Variants in HDAC8 observed in about 807,000 individuals in gnomAD.
HDAC8 encodes histone deacetylase 8, also known as histone deacetylase-like 1.
In HDAC8, 1 loss-of-function variant was observed where a neutral mutation model predicts 32.2. The ratio of observed to expected loss-of-function variants is 0.03; its 90% CI spans 0.01 to 0.15. The LOEUF (loss-of-function observed/expected upper bound fraction) is 0.15. HDAC8 is among the 10% of genes least tolerant of loss of function. The probability of loss-of-function intolerance (pLI) is 1.00; values close to 1 mark genes in which losing one functional copy is unlikely to be tolerated. For synonymous variants in HDAC8, 108 were observed against 113.9 expected (o/e 0.95, Z 0.33); for missense variants, 117 against 300.0 (o/e 0.39, Z 4.51).
At chrX:72,422,684 C>T (rs2046526889) in intron 9 of HDAC8, among the ~76,000 whole-genome samples, 1 of 112,094 alleles carries the variant, frequency 8.9e-6, no homozygotes, top group African/African-American at 3.2e-5. Flanking sequence ...TCTTGTAAGC[C>T]TCAACTGTAA....
At chrX:72,438,180 G>A (rs782591114) in intron 9 of HDAC8, among the ~76,000 whole-genome samples, 1 of 112,168 alleles carries the variant, frequency 8.9e-6, no homozygotes, top group Admixed American at 9.4e-5. Context: ...TGCAGCCTCC[G>A]CTGGTGATAC....
intron 6 of HDAC8, among the ~76,000 whole-genome samples, chrX:72,490,615 AG>A (rs1240812375): frequency 2.3e-5 from 1 of 44,109 alleles, no homozygotes; most frequent in Admixed American, 3.5e-4. Context: ...GGGTGGGGGG[AG>A]GGGGGAGGGA....
chrX:72,548,376 C>A (rs781823967), intron 4 of HDAC8, among the ~76,000 whole-genome samples: 1 of 111,998 alleles, frequency 8.9e-6, no homozygotes, highest in South Asian at 3.7e-4. Flanking sequence ...TCTACCTCTT[C>A]TTCTGCCATT....
intron 9 of HDAC8, among the ~76,000 whole-genome samples, chrX:72,455,605 T>C (rs2047698035): frequency 8.9e-6 from 1 of 112,442 alleles, no homozygotes; most frequent in African/African-American, 3.2e-5. Flanking sequence ...GGCAAACAAC[T>C]GACAGCATTT....
At chrX:72,569,585 C>T (rs782783097) in intron 2 of HDAC8, among the ~76,000 whole-genome samples, 57 of 112,398 alleles carry the variant, frequency 5.1e-4, no homozygotes, top group Non-Finnish European at 4.5e-4. Context: ...CCTCTGAGAG[C>T]GAGGCGAGAA....
Position 72,514,106 on chromosome X carries a change from G to A in HDAC8, c.438-18838C>T, listed in dbSNP as rs954317567. 1.2e-4 allele frequency among the ~76,000 whole-genome samples: 13 copies of A among 112,542 alleles called. No individual in the cohort carries two copies. In the South Asian group the frequency reaches 3.3e-3, roughly 29 times the overall value. On this transcript the variant is annotated intron_variant, in intron 4 of 10. Transcript: ENST00000373573. ...TGAAATTTAATACTGAAACTCAGAA[G>A]GTAATTCACTGATGTGAAACAGATC...
chrX:72,555,598 A>G (rs1330227017), intron 4 of HDAC8, among the ~76,000 whole-genome samples: 1 of 112,479 alleles, frequency 8.9e-6, no homozygotes, highest in Non-Finnish European at 1.9e-5. Flanking sequence ...ACTTAGAGAA[A>G]TGCAAAATGC....
At chrX:72,392,321 G>T (rs1250146524) in intron 9 of HDAC8, among the ~76,000 whole-genome samples, 1 of 111,673 alleles carries the variant, frequency 9.0e-6, no homozygotes, top group Non-Finnish European at 1.9e-5. Flanking sequence ...CACTTCTTGG[G>T]GTTAAGGCAT....
chrX:72,554,701 C>T (rs1397556075), intron 4 of HDAC8, among the ~76,000 whole-genome samples: 3 of 111,470 alleles, frequency 2.7e-5, no homozygotes, highest in African/African-American at 9.8e-5. Flanking sequence ...GGGAACCACA[C>T]CCCCGTCCCC....
At chrX:72,417,319 T>A (rs2046371620) in intron 9 of HDAC8, among the ~76,000 whole-genome samples, 1 of 111,739 alleles carries the variant, frequency 8.9e-6, no homozygotes, top group East Asian at 2.8e-4. Context: ...GATATGATTC[T>A]ATACCTAGAA....
chrX:72,490,345 A>G (rs2048823708), intron 6 of HDAC8, among the ~76,000 whole-genome samples: 1 of 109,079 alleles, frequency 9.2e-6, no homozygotes, highest in African/African-American at 3.3e-5. Flanking sequence ...AAAGACTTGG[A>G]ACCAACCCAA....
At chrX:72,371,931 A>G (rs1270975954) in intron 9 of HDAC8, among the ~76,000 whole-genome samples, 3 of 111,097 alleles carry the variant, frequency 2.7e-5, no homozygotes, top group African/African-American at 9.8e-5. Flanking sequence ...AGATGGTGAT[A>G]AGTGCTGCAG....
Position 72,487,033 on chromosome X carries a change from G to C in HDAC8, c.737+1900C>G, listed in dbSNP as rs191015641. Among the ~76,000 whole-genome samples the C allele has an allele frequency of 1.3e-4, 15 of 111,945 alleles. No homozygotes were observed. The East Asian group carries it at 4.2e-3, about 31-fold the overall frequency. Reference sequence around the variant, plus strand: ...TGCCAATGTGGGTCCACAGGCAAAGGGGCCCTGGGAACTATAAACTGATGA... The same window carrying C: ...TGCCAATGTGGGTCCACAGGCAAAGCGGCCCTGGGAACTATAAACTGATGA... On this transcript the variant is annotated intron_variant, in intron 7 of 10. Coordinates refer to ENST00000373573, the MANE Select transcript of HDAC8 (RefSeq NM_018486.3).
chrX:72,553,634 G>C (rs1331566643), intron 4 of HDAC8, among the ~76,000 whole-genome samples: 1 of 111,719 alleles, frequency 9.0e-6, no homozygotes, highest in Admixed American at 9.5e-5. Context: ...ATATCTGTGG[G>C]TGATTGGTTC....
chrX:72,428,619 G>A (rs1555976385), intron 9 of HDAC8, among the ~76,000 whole-genome samples: 1 of 111,884 alleles, frequency 8.9e-6, no homozygotes. Context: ...TAAGAGAGGA[G>A]TACTGAAGGT....
At chrX:72,571,620 G>A (rs1176320890) in intron 2 of HDAC8, among the ~76,000 whole-genome samples, 1 of 80,523 alleles carries the variant, frequency 1.2e-5, no homozygotes, top group African/African-American at 5.0e-5. Context: ...AGGCTGCAGT[G>A]CAATGGTGCA....
chrX:72,562,882 C>CTTT (rs1164766535), intron 4 of HDAC8, among the ~76,000 whole-genome samples: 4 of 96,366 alleles, frequency 4.2e-5, no homozygotes, highest in Non-Finnish European at 6.3e-5. Context: ...TATTTTTTTT[C>CTTT]TTTTTTTTTT....
intron 4 of HDAC8, among the ~76,000 whole-genome samples, chrX:72,508,392 GAAC>G (rs1171208792): frequency 8.9e-6 from 1 of 112,151 alleles, no homozygotes; most frequent in Non-Finnish European, 1.9e-5. Context: ...TATGCCCATT[GAAC>G]AAATGAGAAA....
At chrX:72,398,121 T>C (rs1555966151) in intron 9 of HDAC8, among the ~76,000 whole-genome samples, 4 of 112,146 alleles carry the variant, frequency 3.6e-5, no homozygotes. Context: ...GTTGTTTAAA[T>C]TACATTATTT....
Sources: allele counts gnomAD v4.1 joint callset (sites outside exome capture counted in the v4.1 genomes callset), GRCh38; gene constraint gnomAD v4.1.1; transcripts MANE v1.5; gene names NCBI Gene and HGNC (gene_info 2026-07-23, HGNC 2026-07-21).